Variants in RAPGEF6 observed in about 807,000 individuals in gnomAD.
RAPGEF6 encodes the protein Rap guanine nucleotide exchange factor 6, also known as PDZ domain containing guanine nucleotide exchange factor (GEF) 2.
RAPGEF6 carries 56 observed loss-of-function variants against 171.4 expected under a neutral mutation model. The ratio of observed to expected loss-of-function variants is 0.33; its 90% CI spans 0.26 to 0.41. The LOEUF is 0.41. RAPGEF6 is among the 10% of genes least tolerant of loss of function. The probability of loss-of-function intolerance (pLI) is 1.00; values close to 1 mark genes in which losing one functional copy is unlikely to be tolerated. For missense variants in RAPGEF6, 1,674 were observed against 1,921.4 expected (o/e 0.87, Z 2.41); for synonymous variants, 692 against 650.1 (o/e 1.06, Z -0.98).
chr5:131,462,157 T>A, intron 18 of RAPGEF6, 69 bp from the exon 19 acceptor site: 1 of 1,198,534 alleles, frequency 8.3e-7, no homozygotes, highest in Non-Finnish European at 1.1e-6. Flanking sequence ...TTTTCCTTTT[T>A]GTCGTTGTAA....
At chr5:131,531,891 T>A (rs1190115575) in intron 6 of RAPGEF6, among the ~76,000 whole-genome samples, 2 of 152,136 alleles carry the variant, frequency 1.3e-5, no homozygotes, top group Non-Finnish European at 2.9e-5. Flanking sequence ...ATTTTAAGTC[T>A]ACAGATTTAA....
At chr5:131,460,756 G>GT (rs2149833612) in intron 19 of RAPGEF6, among the ~76,000 whole-genome samples, 1 of 152,246 alleles carries the variant, frequency 6.6e-6, no homozygotes, top group East Asian at 1.9e-4. Context: ...CAGTTCAGTT[G>GT]TAGACACTGG....
At chr5:131,449,920 AT>A in intron 21 of RAPGEF6, 1 of 1,265,590 alleles carries the variant, frequency 7.9e-7, no homozygotes, top group Non-Finnish European at 1.1e-6. Context: ...GACAGGGTTA[AT>A]AGAATTCATG....
chr5:131,607,517 T>C lies in RAPGEF6; in HGVS notation c.70-2824A>G, dbSNP rs115604150. ...AAAAATCTGCATCCATGCAAGGCAATATTAACTTACAGTTTTATCTTAGGA... is the reference window on the plus strand; with the variant it reads ...AAAAATCTGCATCCATGCAAGGCAACATTAACTTACAGTTTTATCTTAGGA... On this transcript the variant is annotated intron_variant, in intron 1 of 27. Coordinates refer to ENST00000509018, the MANE Select transcript of RAPGEF6 (RefSeq NM_016340.6). Among the ~76,000 whole-genome samples the C allele has an allele frequency of 5.1e-3, 784 of 152,332 alleles. 4 individuals carry two copies. Among genetic ancestry groups the C allele is most frequent in the African/African-American group, 0.017 (719 of 41,568 alleles).
chr5:131,561,888 T>C, intron 5 of RAPGEF6, 90 bp downstream of exon 5: 2 of 959,118 alleles, frequency 2.1e-6, no homozygotes, highest in Non-Finnish European at 1.6e-6. Flanking sequence ...GTCATAGTAA[T>C]AAAACCTCCT....
At chr5:131,621,525 G>A (rs1765592276) in intron 1 of RAPGEF6, among the ~76,000 whole-genome samples, 1 of 152,014 alleles carries the variant, frequency 6.6e-6, no homozygotes, top group African/African-American at 2.4e-5. Context: ...CAAGCAGCCA[G>A]GAGTTTGAGG....
intron 6 of RAPGEF6, among the ~76,000 whole-genome samples, chr5:131,538,436 G>A (rs946393587): frequency 2.0e-5 from 3 of 152,036 alleles, no homozygotes; most frequent in Non-Finnish European, 4.4e-5. Flanking sequence ...GTAACACAAT[G>A]GTAAGTATTT....
At chr5:131,613,257 A>T (rs914927424) in intron 1 of RAPGEF6, among the ~76,000 whole-genome samples, 2 of 152,116 alleles carry the variant, frequency 1.3e-5, no homozygotes, top group African/African-American at 4.8e-5. Flanking sequence ...AAACATACAA[A>T]GAATTAGCCG....
chr5:131,506,294 C>T (rs905869355), intron 9 of RAPGEF6, among the ~76,000 whole-genome samples: 4 of 152,166 alleles, frequency 2.6e-5, no homozygotes, highest in Non-Finnish European at 4.4e-5. Flanking sequence ...GTGTCCACCA[C>T]CATGCTTGGT....
At chr5:131,494,326 A>G (rs778636857) in intron 13 of RAPGEF6, among the ~76,000 whole-genome samples, 3 of 152,236 alleles carry the variant, frequency 2.0e-5, no homozygotes, top group Admixed American at 6.5e-5. Flanking sequence ...TCAAAGTTTT[A>G]TATCTGACAG....
chr5:131,505,483 T>C lies in RAPGEF6; in HGVS notation c.982A>G (p.Ile328Val), dbSNP rs1561518742. The C allele has an allele frequency of 6.2e-7, 1 of 1,613,558 alleles. No homozygotes were observed. Residue 328 changes from isoleucine (I) to valine (V), a missense_variant, in exon 10 of 28, where the codon ATC (isoleucine) becomes GTC (valine). Ile to Val is a conservative substitution (Grantham distance 29). This residue lies in a region of RAPGEF6 where 1,116 missense variants were observed against 1,321.5 expected (regional missense o/e 0.84). Coordinates refer to ENST00000509018, the MANE Select transcript of RAPGEF6 (RefSeq NM_016340.6). ...TCAACTTTTCCATCTGGATGACTGA[T>C]TTCCACAGTGCCGTTTAAAATAACA... is the stretch of plus-strand genomic sequence containing the variant. ...WYVILNGTVE[I>V]SHPDGKVENL...
intron 14 of RAPGEF6, among the ~76,000 whole-genome samples, chr5:131,491,459 C>G (rs1756276952): frequency 6.6e-6 from 1 of 152,148 alleles, no homozygotes; most frequent in Non-Finnish European, 1.5e-5. Context: ...AGCAAGTTTC[C>G]TAAATGATTC....
At chr5:131,621,474 G>T (rs1346423538) in intron 1 of RAPGEF6, among the ~76,000 whole-genome samples, 1 of 151,822 alleles carries the variant, frequency 6.6e-6, no homozygotes, top group Non-Finnish European at 1.5e-5. Context: ...TAGAGATAGG[G>T]TTTCACCATG....
intron 4 of RAPGEF6, among the ~76,000 whole-genome samples, chr5:131,589,018 T>C (rs1412171337): frequency 6.6e-6 from 1 of 151,894 alleles, no homozygotes; most frequent in Non-Finnish European, 1.5e-5. Flanking sequence ...TGCAGTGTAC[T>C]GGGATCACAT....
At chr5:131,610,936 G>A (rs773355786) in intron 1 of RAPGEF6, among the ~76,000 whole-genome samples, 7 of 152,144 alleles carry the variant, frequency 4.6e-5, no homozygotes, top group Non-Finnish European at 8.8e-5. Flanking sequence ...CTATTACGGG[G>A]CTCTGTAATT....
chr5:131,591,713 C>G (rs1763602969), intron 4 of RAPGEF6, among the ~76,000 whole-genome samples: 1 of 152,250 alleles, frequency 6.6e-6, no homozygotes, highest in Admixed American at 6.5e-5. Flanking sequence ...TCCAAAGTCA[C>G]ATAACTAGTG....
Position 131,456,027 on chromosome 5 carries a change from A to C in RAPGEF6, c.2865-15T>G, listed in dbSNP as rs1753467564. On this transcript the variant is annotated splice_polypyrimidine_tract_variant and intron_variant, in intron 19 of 27. Transcript: ENST00000509018. ...GGTTCAAGCCACTGCCAAAGATGAGAATAGAAACATTAAAAAGAAACTTGG... is the reference window on the plus strand; with the variant it reads ...GGTTCAAGCCACTGCCAAAGATGAGCATAGAAACATTAAAAAGAAACTTGG... 1 of 1,607,828 alleles carries C rather than the reference A, an allele frequency of 6.2e-7. No homozygotes were observed.
At chr5:131,528,721 C>A (rs572232337) in intron 6 of RAPGEF6, among the ~76,000 whole-genome samples, 8 of 151,920 alleles carry the variant, frequency 5.3e-5, no homozygotes, top group Non-Finnish European at 1.0e-4. Flanking sequence ...GAATGCTTGG[C>A]AAGTCTGAGA....
chr5:131,565,339 A>C (rs1041162997), intron 4 of RAPGEF6, among the ~76,000 whole-genome samples: 12 of 152,208 alleles, frequency 7.9e-5, no homozygotes, highest in African/African-American at 2.9e-4. Flanking sequence ...TTACAAATTT[A>C]AAAACTATGA....
Sources: gnomAD v4.1 joint callset for allele counts (sites outside exome capture counted in the v4.1 genomes callset) on GRCh38, gnomAD v4.1.1 for gene constraint, gnomAD v4.1.1 regional missense constraint, MANE v1.5 for transcripts, NCBI Gene and HGNC (gene_info 2026-07-23, HGNC 2026-07-21) for gene names.